The following UBE3D variants were observed in gnomAD, a reference collection of about 807,000 sequenced individuals.
UBE3D encodes ubiquitin protein ligase E3D, also known as E3 ubiquitin-protein ligase E3D.
UBE3D carries 48 observed loss-of-function variants against 49.6 expected under a neutral mutation model. The observed-to-expected ratio is 0.97, with a 90% confidence interval of 0.77 to 1.23. UBE3D has a LOEUF of 1.23. UBE3D is among the 50% of genes most tolerant of loss of function. UBE3D has a pLI of 0.00. For missense variants in UBE3D, 452 were observed against 468.4 expected (o/e 0.96, Z 0.32); for synonymous variants, 189 against 174.2 (o/e 1.08, Z -0.67).
At position 83,019,086 on chromosome 6, in the gene UBE3D, G is replaced by A. The variant is rs1260236315; in HGVS notation, c.897C>T (p.Ser299=). The A allele has an allele frequency of 1.9e-6, 3 of 1,613,586 alleles. No homozygotes were observed. The highest frequency in any genetic ancestry group is 2.5e-6 in the Non-Finnish European group (3 of 1,179,816). Residue 299 remains serine (S), a synonymous_variant, in exon 8 of 10, where the codon TCC becomes TCT. Transcript: ENST00000369747. ...DSLVIESLRN[S]KYIKKFPLLE... Reference sequence around the variant, plus strand: ...ACAAGGGGAATTTTTTGATATATTTGGAATTTCTCAAAGATTCAATCACCA... The same window carrying A: ...ACAAGGGGAATTTTTTGATATATTTAGAATTTCTCAAAGATTCAATCACCA...
chr6:82,948,504 C>A (rs946061429), intron 9 of UBE3D, among the ~76,000 whole-genome samples: 2 of 151,870 alleles, frequency 1.3e-5, no homozygotes, highest in Non-Finnish European at 2.9e-5. Context: ...CCTCCAAACT[C>A]ATTATAGGAG....
intron 9 of UBE3D, among the ~76,000 whole-genome samples, chr6:82,904,365 G>A (rs1380757098): frequency 2.0e-5 from 3 of 152,184 alleles, no homozygotes; most frequent in Non-Finnish European, 4.4e-5. Flanking sequence ...ACAGAGAGAA[G>A]TAAAAACAGA....
intron 8 of UBE3D, among the ~76,000 whole-genome samples, chr6:82,983,859 G>A (rs1201164822): frequency 6.6e-6 from 1 of 152,114 alleles, no homozygotes; most frequent in Non-Finnish European, 1.5e-5. Flanking sequence ...CAATGACTGT[G>A]TTTTAAAGTC....
intron 8 of UBE3D, among the ~76,000 whole-genome samples, chr6:83,005,125 C>T (rs540237958): frequency 6.8e-4 from 104 of 152,136 alleles, no homozygotes; most frequent in African/African-American, 2.4e-3. Flanking sequence ...TAAAGCATTC[C>T]TACAACTCAA....
intron 4 of UBE3D, among the ~76,000 whole-genome samples, chr6:83,040,393 CTCTCTCTCTCTATA>C (rs1340340417): frequency 1.1e-5 from 1 of 88,650 alleles, no homozygotes; most frequent in Non-Finnish European, 2.6e-5. Context: ...CTCTCTCTCT[CTCTCTCTCTCTATA>C]TATATATATA....
chr6:82,918,131 T>C (rs1183820539), intron 9 of UBE3D, among the ~76,000 whole-genome samples: 1 of 152,174 alleles, frequency 6.6e-6, no homozygotes, highest in East Asian at 1.9e-4. Context: ...ACAAACAGAA[T>C]TGAAATGGAT....
intron 3 of UBE3D, among the ~76,000 whole-genome samples, chr6:83,051,284 T>C (rs935553624): frequency 6.6e-6 from 1 of 152,156 alleles, no homozygotes; most frequent in African/African-American, 2.4e-5. Context: ...ATTCTCCTGC[T>C]CCTGCCTCCA....
rs1436489727 is a variant in UBE3D at position 83,054,058 on chromosome 6, C to T, written c.365+90G>A. ...GCTCTCACTTTAAGGCCATATACTA[C>T]TCCATTGGCAATTACTTGAAAAATT... On this transcript the variant is annotated intron_variant, in intron 3 of 9. Coordinates refer to ENST00000369747, the MANE Select transcript of UBE3D (RefSeq NM_198920.3). The T allele has an allele frequency of 2.3e-5, 25 of 1,098,152 alleles. No individual in the cohort carries two copies. In the East Asian group the frequency reaches 5.3e-4, roughly 23 times the overall value. The allele number at this position is 1,098,152 out of a possible 1,614,324, so 68.0% of individuals were successfully genotyped here.
chr6:82,905,342 C>T (rs1172943054), intron 9 of UBE3D, among the ~76,000 whole-genome samples: 1 of 151,950 alleles, frequency 6.6e-6, no homozygotes, highest in Non-Finnish European at 1.5e-5. Flanking sequence ...AATATTATAC[C>T]TGTTACGGTG....
intron 9 of UBE3D, among the ~76,000 whole-genome samples, chr6:82,953,160 C>G (rs952210729): frequency 6.6e-6 from 1 of 152,242 alleles, no homozygotes; most frequent in Non-Finnish European, 1.5e-5. Context: ...GCAATGACGT[C>G]AACAGGCTGC....
Position 82,957,358 on chromosome 6 carries a change from C to A in UBE3D, c.1103G>T (p.Ser368Ile). 1 of 1,614,098 alleles carries A rather than the reference C, an allele frequency of 6.2e-7. No individual in the cohort carries two copies. Reference sequence around the variant, plus strand: ...AAGGGATGAAGGCAGATTGGCATTACTCTTTGACAATATCAACAGCAGCTC... The same window carrying A: ...AAGGGATGAAGGCAGATTGGCATTAATCTTTGACAATATCAACAGCAGCTC... Reference protein sequence around the residue: ...CLELLLILSKSNANLPSSLRR... With the variant: ...CLELLLILSKINANLPSSLRR... Residue 368 changes from serine to isoleucine, a missense_variant, in exon 9 of 10, where the codon AGT becomes ATT. By Grantham distance (142) the Ser-to-Ile change is moderately radical (BLOSUM62 -2). Coordinates refer to ENST00000369747, the MANE Select transcript of UBE3D (RefSeq NM_198920.3).
intron 9 of UBE3D, among the ~76,000 whole-genome samples, chr6:82,934,623 A>C (rs1169474006): frequency 6.6e-6 from 1 of 152,092 alleles, no homozygotes; most frequent in African/African-American, 2.4e-5. Context: ...TGAGCTTGCA[A>C]ATCAAAATTC....
At chr6:83,031,320 A>G (rs1781853793) in intron 5 of UBE3D, among the ~76,000 whole-genome samples, 1 of 152,186 alleles carries the variant, frequency 6.6e-6, no homozygotes, top group South Asian at 2.1e-4. Flanking sequence ...GGCGGAAGAA[A>G]TTTCTAACCA....
At chr6:83,018,887 G>T in intron 8 of UBE3D, 86 bp downstream of exon 8, 1 of 1,471,012 alleles carries the variant, frequency 6.8e-7, no homozygotes, top group Non-Finnish European at 9.3e-7. Context: ...TGGTATAGTG[G>T]CATTTAATTC....
intron 8 of UBE3D, among the ~76,000 whole-genome samples, chr6:83,006,194 C>T (rs1398308232): frequency 6.6e-6 from 1 of 152,078 alleles, no homozygotes; most frequent in Non-Finnish European, 1.5e-5. Context: ...CACTGCACTC[C>T]AGCCTGAGTG....
chr6:82,953,533 C>A (rs1328136045), intron 9 of UBE3D, among the ~76,000 whole-genome samples: 3 of 152,162 alleles, frequency 2.0e-5, no homozygotes, highest in Non-Finnish European at 4.4e-5. Flanking sequence ...ACTGTACGTA[C>A]CTCTGTGTAA....
intron 9 of UBE3D, among the ~76,000 whole-genome samples, chr6:82,913,039 T>C (rs1772639672): frequency 6.6e-6 from 1 of 152,208 alleles, no homozygotes; most frequent in African/African-American, 2.4e-5. Flanking sequence ...AGTTATTAAC[T>C]GAAAGCCCAG....
chr6:82,913,331 G>A (rs1298816432), intron 9 of UBE3D, among the ~76,000 whole-genome samples: 1 of 152,196 alleles, frequency 6.6e-6, no homozygotes, highest in African/African-American at 2.4e-5. Flanking sequence ...TTTAGAGCCT[G>A]GGAGAAATGA....
chr6:83,009,504 G>A (rs577534045), intron 8 of UBE3D, among the ~76,000 whole-genome samples: 1 of 151,220 alleles, frequency 6.6e-6, no homozygotes, highest in African/African-American at 2.4e-5. Context: ...CACCATGAAA[G>A]AGAGGTACCA....
Sources: gnomAD v4.1 joint callset for allele counts (sites outside exome capture counted in the v4.1 genomes callset) on GRCh38, gnomAD v4.1.1 for gene constraint, MANE v1.5 for transcripts, NCBI Gene and HGNC (gene_info 2026-07-23, HGNC 2026-07-21) for gene names.